Variants in IGSF10 observed in about 807,000 individuals in gnomAD.
The protein encoded by IGSF10 is calvaria mechanical force protein 608.
A neutral mutation model predicts 128.2 loss-of-function variants in IGSF10; 126 were observed. The observed-to-expected ratio is 0.98, with a 90% confidence interval of 0.85 to 1.14. IGSF10 has a LOEUF of 1.14. Ranked by LOEUF, IGSF10 falls within the 50% of genes most tolerant of loss-of-function variation. The pLI, the probability that IGSF10 is intolerant of heterozygous loss-of-function variation, is 0.00. For synonymous variants in IGSF10, 1,185 were observed against 1,146.2 expected, an observed-to-expected ratio of 1.03 and a Z score of -0.68; for missense variants, 3,295 against 3,149.8, an observed-to-expected ratio of 1.05 and a Z score of -1.10.
chr3:151,551,139 G>T, the IGSF10 span, among the ~76,000 whole-genome samples: 2 of 152,100 alleles, frequency 1.3e-5, no homozygotes, highest in Non-Finnish European at 2.9e-5. Flanking sequence ...GGTGAAGAGT[G>T]GTTTCTTGGC....
chr3:151,492,759 C>A, the IGSF10 span, among the ~76,000 whole-genome samples: 5 of 113,166 alleles, frequency 4.4e-5, no homozygotes, highest in African/African-American at 1.7e-4. Context: ...ACAAACAAAA[C>A]CCCATCATAT....
the IGSF10 span, among the ~76,000 whole-genome samples, chr3:151,581,536 C>T: frequency 6.6e-6 from 1 of 152,144 alleles, no homozygotes; most frequent in Admixed American, 6.5e-5. Flanking sequence ...AATGACAGCT[C>T]ACCTTATTCA....
the IGSF10 span, among the ~76,000 whole-genome samples, chr3:151,562,724 C>A: frequency 2.6e-5 from 4 of 152,052 alleles, no homozygotes; most frequent in African/African-American, 9.7e-5. Context: ...CAGAAGTGCT[C>A]TACTGTGGTG....
the IGSF10 span, among the ~76,000 whole-genome samples, chr3:151,488,652 C>T: frequency 6.6e-6 from 1 of 151,998 alleles, no homozygotes; most frequent in Non-Finnish European, 1.5e-5. Context: ...CAGAACAGAG[C>T]CCTCAGAAAT....
chr3:151,515,411 T>C, the IGSF10 span, among the ~76,000 whole-genome samples: 2 of 135,534 alleles, frequency 1.5e-5, no homozygotes, highest in Admixed American at 8.6e-5. Flanking sequence ...TAGGTGGGAA[T>C]TGAACAATGA....
At chr3:151,579,574 A>C in the IGSF10 span, among the ~76,000 whole-genome samples, 4 of 151,992 alleles carry the variant, frequency 2.6e-5, no homozygotes, top group Non-Finnish European at 4.4e-5. Flanking sequence ...AAGATCAATC[A>C]AAAGAAATGA....
the IGSF10 span, among the ~76,000 whole-genome samples, chr3:151,594,244 T>C: frequency 6.6e-6 from 1 of 151,966 alleles, no homozygotes; most frequent in Admixed American, 6.6e-5. Context: ...CTATGGGAGA[T>C]ACTGTCTGTG....
chr3:151,534,715 A>T, the IGSF10 span, among the ~76,000 whole-genome samples: 2 of 151,994 alleles, frequency 1.3e-5, no homozygotes, highest in African/African-American at 4.8e-5. Flanking sequence ...ATGACGGGTC[A>T]ATGGGTACAG....
intron 7 of IGSF10, among the ~76,000 whole-genome samples, chr3:151,441,202 G>A (rs972246934): frequency 2.0e-5 from 3 of 152,198 alleles, no homozygotes; most frequent in African/African-American, 7.2e-5. Context: ...ACTGGAGATT[G>A]TGACATATAA....
chr3:151,547,558 G>C, the IGSF10 span, among the ~76,000 whole-genome samples: 1 of 151,958 alleles, frequency 6.6e-6, no homozygotes. Context: ...GCTTCTCCTA[G>C]AGCCTGGACT....
chr3:151,521,901 T>C, the IGSF10 span, among the ~76,000 whole-genome samples: 1 of 151,570 alleles, frequency 6.6e-6, no homozygotes, highest in African/African-American at 2.4e-5. Flanking sequence ...ACCATTCAAA[T>C]GATCAACGAA....
At chr3:151,509,742 C>T in the IGSF10 span, among the ~76,000 whole-genome samples, 1 of 152,218 alleles carries the variant, frequency 6.6e-6, no homozygotes, top group African/African-American at 2.4e-5. Flanking sequence ...AAAGGGGTGA[C>T]AGACAGCACC....
the IGSF10 span, among the ~76,000 whole-genome samples, chr3:151,615,534 G>A: frequency 5.9e-5 from 9 of 152,094 alleles, no homozygotes; most frequent in Non-Finnish European, 8.8e-5. Flanking sequence ...TGCAGTAATG[G>A]GAAATAAGAC....
At chr3:151,497,900 T>G in the IGSF10 span, among the ~76,000 whole-genome samples, 6 of 152,150 alleles carry the variant, frequency 3.9e-5, no homozygotes, top group Non-Finnish European at 5.9e-5. Flanking sequence ...CATGTCCCTT[T>G]TAAGTTGGAT....
the IGSF10 span, among the ~76,000 whole-genome samples, chr3:151,600,212 C>T: frequency 2.0e-5 from 3 of 152,064 alleles, no homozygotes; most frequent in Non-Finnish European, 4.4e-5. Flanking sequence ...ATTTCTTACT[C>T]TTTCATTTTA....
the IGSF10 span, among the ~76,000 whole-genome samples, chr3:151,601,650 A>G: frequency 6.6e-6 from 1 of 152,216 alleles, no homozygotes. Context: ...TCCAAAGTAA[A>G]GTTCCTCAGA....
the IGSF10 span, among the ~76,000 whole-genome samples, chr3:151,561,061 T>C: frequency 1.3e-5 from 2 of 152,204 alleles, no homozygotes; most frequent in African/African-American, 4.8e-5. Context: ...CATTCTTTGA[T>C]AAAATCTGGT....
the IGSF10 span, among the ~76,000 whole-genome samples, chr3:151,608,607 A>G: frequency 6.6e-6 from 1 of 151,966 alleles, no homozygotes; most frequent in Non-Finnish European, 1.5e-5. Context: ...TAGATTCTCC[A>G]TATTGTTTCT....
At chr3:151,434,673 A>C (rs1719895283), downstream of IGSF10, 1 of 152,220 alleles carries the variant, frequency 6.6e-6, no homozygotes, top group Non-Finnish European at 1.5e-5. Context: ...CGAAATGTGA[A>C]TGTTGTGCCT....
Sources: allele counts gnomAD v4.1 joint callset (sites outside exome capture counted in the v4.1 genomes callset), GRCh38; gene constraint gnomAD v4.1.1; transcripts MANE v1.5; gene names NCBI Gene and HGNC (gene_info 2026-07-23, HGNC 2026-07-21).